SEMA3C: variants seen among roughly 807,000 people sequenced by gnomAD.
SEMA3C encodes semaphorin-3C.
Under a neutral mutation model 89.4 loss-of-function variants are expected in SEMA3C, and 47 were observed. The ratio of observed to expected loss-of-function variants is 0.53; its 90% CI spans 0.42 to 0.67. The LOEUF (loss-of-function observed/expected upper bound fraction) is 0.67. Ranked by LOEUF, SEMA3C falls within the 30% of genes least tolerant of loss-of-function variation. The pLI is 0.00. For synonymous variants in SEMA3C, 310 were observed against 320.2 expected, an observed-to-expected ratio of 0.97 and a Z score of 0.34; for missense variants, 839 against 929.1, an observed-to-expected ratio of 0.90 and a Z score of 1.26.
upstream of SEMA3C, among the ~76,000 whole-genome samples, chr7:80,921,756 C>A (rs1266445247): frequency 6.6e-6 from 1 of 152,086 alleles, no homozygotes; most frequent in East Asian, 1.9e-4. Flanking sequence ...AGAAATGGTG[C>A]AGTATCTTAC....
chr7:80,771,055 A>C (rs1309256880), intron 12 of SEMA3C, among the ~76,000 whole-genome samples: 3 of 152,244 alleles, frequency 2.0e-5, no homozygotes, highest in Non-Finnish European at 4.4e-5. Flanking sequence ...TTTTGTTTTA[A>C]GTAGTCTGAG....
intron 2 of SEMA3C, among the ~76,000 whole-genome samples, chr7:80,889,642 A>G (rs773614924): frequency 1.8e-4 from 27 of 152,212 alleles, no homozygotes; most frequent in Non-Finnish European, 3.7e-4. Flanking sequence ...AAGTAATTAT[A>G]TACTTTTCTA....
intron 2 of SEMA3C, among the ~76,000 whole-genome samples, chr7:80,916,036 C>T (rs1346806825): frequency 6.6e-6 from 1 of 152,160 alleles, no homozygotes; most frequent in Non-Finnish European, 1.5e-5. Flanking sequence ...ACCATTCCCT[C>T]AGAAGACCTT....
intron 2 of SEMA3C, among the ~76,000 whole-genome samples, chr7:80,842,712 T>C (rs573902516): frequency 3.3e-5 from 5 of 152,238 alleles, no homozygotes; most frequent in South Asian, 2.1e-4. Context: ...AAATGAGTTA[T>C]AGATAGCTGG....
intron 5 of SEMA3C, among the ~76,000 whole-genome samples, chr7:80,817,580 A>C (rs2115755971): frequency 6.6e-6 from 1 of 152,316 alleles, no homozygotes. Context: ...GACAGGCTTA[A>C]GTAGCACAGG....
chr7:80,838,565 C>A (rs1790191102), intron 2 of SEMA3C, among the ~76,000 whole-genome samples: 1 of 152,116 alleles, frequency 6.6e-6, no homozygotes, highest in African/African-American at 2.4e-5. Context: ...CTATCTTGTT[C>A]CCCTACTATA....
chr7:80,793,720 G>A (rs1788996835), intron 11 of SEMA3C, among the ~76,000 whole-genome samples: 2 of 151,848 alleles, frequency 1.3e-5, no homozygotes, highest in African/African-American at 4.8e-5. Flanking sequence ...AGTATTTAGA[G>A]AACTGTAATT....
intron 2 of SEMA3C, among the ~76,000 whole-genome samples, chr7:80,904,727 T>A (rs1791965693): frequency 1.3e-5 from 2 of 152,116 alleles, no homozygotes; most frequent in Admixed American, 6.5e-5. Flanking sequence ...TTGGGGGAAG[T>A]GGTTTCTAAA....
At chr7:80,792,905 A>G (rs763803094) in intron 11 of SEMA3C, among the ~76,000 whole-genome samples, 7 of 152,206 alleles carry the variant, frequency 4.6e-5, no homozygotes, top group Non-Finnish European at 7.3e-5. Flanking sequence ...TCAGTGTCAT[A>G]CTGCCAAGAA....
In SEMA3C at chr7:80,750,463, TATATATATATACAC is replaced by T. The variant is rs1195416698; in HGVS notation, c.1711+792_1711+805del. ...ATATATATATATATATATATATATATATATATATATACACACACACACACACACACACACACACA... is the reference window on the plus strand; with the variant it reads ...ATATATATATATATATATATATATATACACACACACACACACACACACACA... On this transcript the variant is annotated intron_variant, in intron 16 of 17. Transcript: ENST00000265361. 9.9e-4 allele frequency among the ~76,000 whole-genome samples: 71 copies of T among 72,026 alleles called. 1 individual carries two copies. Among genetic ancestry groups the T allele is most frequent in the African/African-American group, 3.5e-3 (63 of 18,258 alleles). 47.3% of individuals were successfully genotyped at this position (72,026 alleles called of 152,430 possible). A position where few individuals can be genotyped will look rare whatever the true frequency, so the allele number is the denominator to read the frequency against.
chr7:80,893,722 G>C (rs1791669714), intron 2 of SEMA3C, among the ~76,000 whole-genome samples: 1 of 152,074 alleles, frequency 6.6e-6, no homozygotes, highest in Admixed American at 6.6e-5. Context: ...TTTGGTGTTA[G>C]ATGTCATCCT....
At chr7:80,881,548 T>A (rs780117092) in intron 2 of SEMA3C, among the ~76,000 whole-genome samples, 1 of 152,150 alleles carries the variant, frequency 6.6e-6, no homozygotes, top group African/African-American at 2.4e-5. Flanking sequence ...TGATTTTACA[T>A]GTGTAAGTGA....
At chr7:80,840,007 A>G (rs926518072) in intron 2 of SEMA3C, among the ~76,000 whole-genome samples, 1 of 152,138 alleles carries the variant, frequency 6.6e-6, no homozygotes, top group Non-Finnish European at 1.5e-5. Context: ...AATTATAGCA[A>G]GAATAGGAGA....
chr7:80,858,169 T>C (rs1035017024), intron 2 of SEMA3C, among the ~76,000 whole-genome samples: 4 of 152,146 alleles, frequency 2.6e-5, no homozygotes, highest in Admixed American at 2.0e-4. Flanking sequence ...TCCTAGTTAT[T>C]TGTATAAGGA....
In SEMA3C at chr7:80,745,122, T is replaced by C. The variant is rs1949972; in HGVS notation, c.2028A>G (p.Pro676=). The change falls in exon 18 of 18, where the codon CCA becomes CCG. Residue 676 remains proline, a synonymous_variant. Transcript: ENST00000265361. ...MVAVVTDKWS[P]WTWASSVRAL... ...CCCTCACAGAGCTGGCCCAGGTCCA[T>C]GGGGACCATTTGTCCGTCACAACAG... 0.97 allele frequency: 1,561,818 copies of C among 1,613,868 alleles called. 759,539 individuals are homozygous for C. Among genetic ancestry groups the C allele is most frequent in the Non-Finnish European group, 0.99 (1,172,542 of 1,179,980 alleles).
intron 2 of SEMA3C, among the ~76,000 whole-genome samples, chr7:80,903,530 C>T (rs1562978271): frequency 6.6e-6 from 1 of 152,046 alleles, no homozygotes; most frequent in Non-Finnish European, 1.5e-5. Context: ...GGCATGGTGG[C>T]ACATGCCTAT....
chr7:80,761,616 CT>C lies in SEMA3C; in HGVS notation c.1484del (p.Lys495SerfsTer6). ...PITTMKISSKKQQLYVSSNEG... is the reference protein window; with the variant it reads ...PITTMKISSKXQQLYVSSNEG... ...GAACATAAAATAGCTTAGTTTTTAC[CT>C]TTTTAGATGAAATTTTCATTGTTGT... is the stretch of plus-strand genomic sequence containing the variant. On this transcript the variant is annotated frameshift_variant and splice_region_variant, in exon 14 of 18. Coordinates refer to ENST00000265361, the MANE Select transcript of SEMA3C (RefSeq NM_006379.5). LOFTEE classifies it high-confidence loss of function. 3.1e-6 allele frequency: 4 copies of C among 1,303,822 alleles called. No individual in the cohort carries two copies. Among genetic ancestry groups the C allele is most frequent in the Non-Finnish European group, 4.3e-6 (4 of 939,128 alleles). The allele number at this position is 1,303,822 out of a possible 1,614,324, so 80.8% of individuals were successfully genotyped here.
intron 6 of SEMA3C, among the ~76,000 whole-genome samples, chr7:80,806,559 A>G (rs377159356): frequency 2.0e-5 from 3 of 152,226 alleles, no homozygotes; most frequent in African/African-American, 7.2e-5. Flanking sequence ...AATTTTCACT[A>G]TTAACAGAAT....
At position 80,890,683 on chromosome 7, in the gene SEMA3C, G is replaced by A. The variant is rs185363293; in HGVS notation, c.103+25996C>T. ...AGCTCCAAAAATACCCAAGAAGAAC[G>A]AAGAGCTCATGTCAGAGAAATAGTC... is the stretch of plus-strand genomic sequence containing the variant. On this transcript the variant is annotated intron_variant, in intron 2 of 17. Coordinates refer to ENST00000265361, the MANE Select transcript of SEMA3C (RefSeq NM_006379.5). 1.2e-4 allele frequency among the ~76,000 whole-genome samples: 19 copies of A among 152,258 alleles called. No individual in the cohort carries two copies. In the South Asian group the frequency reaches 1.9e-3, roughly 15 times the overall value.
Sources: allele counts gnomAD v4.1 joint callset (sites outside exome capture counted in the v4.1 genomes callset), GRCh38; gene constraint gnomAD v4.1.1; transcripts MANE v1.5; gene names NCBI Gene and HGNC (gene_info 2026-07-23, HGNC 2026-07-21).